The following CAST variants were observed in gnomAD, a reference collection of about 807,000 sequenced individuals.
The protein encoded by CAST is calpastatin, also known as MIR583 host.
CAST carries 76 observed loss-of-function variants against 119.6 expected under a neutral mutation model. The observed-to-expected ratio is 0.64, with a 90% CI of 0.53 to 0.77. The LOEUF (loss-of-function observed/expected upper bound fraction) is 0.77. Among genes scored for constraint, CAST ranks in the 30% least tolerant of loss-of-function variants. The pLI is 0.00. For synonymous variants in CAST, 319 were observed against 331.6 expected, an observed-to-expected ratio of 0.96 and a Z score of 0.41; for missense variants, 953 against 946.5, an observed-to-expected ratio of 1.01 and a Z score of -0.09.
At chr5:96,169,476 G>T in the CAST span, among the ~76,000 whole-genome samples, 2 of 152,176 alleles carry the variant, frequency 1.3e-5, no homozygotes, top group Non-Finnish European at 2.9e-5. Context: ...TGGTTGATAA[G>T]GTGCAGATCC....
the CAST span, among the ~76,000 whole-genome samples, chr5:96,219,335 T>C: frequency 6.6e-6 from 1 of 152,210 alleles, no homozygotes; most frequent in Non-Finnish European, 1.5e-5. Flanking sequence ...CATTCAAAAC[T>C]ATTTTTTGGT....
At chr5:96,397,533 T>C in the CAST span, 3 of 1,422,914 alleles carry the variant, frequency 2.1e-6, no homozygotes, top group African/African-American at 4.2e-5. Flanking sequence ...CACTCTAGCA[T>C]CTGATAACTG....
At chr5:95,998,083 T>C in the CAST span, among the ~76,000 whole-genome samples, 2 of 151,356 alleles carry the variant, frequency 1.3e-5, no homozygotes, top group Admixed American at 6.6e-5. Context: ...ATAAGGATCT[T>C]CTCAAGGGTT....
At chr5:96,080,707 C>T in the CAST span, among the ~76,000 whole-genome samples, 2 of 152,178 alleles carry the variant, frequency 1.3e-5, no homozygotes, top group Non-Finnish European at 2.9e-5. Context: ...TAAATCCTGA[C>T]TCATCTAACT....
the CAST span, among the ~76,000 whole-genome samples, chr5:96,228,011 GTGTGTGTGTGTGTGTGCACGCACA>G: frequency 6.6e-6 from 1 of 152,054 alleles, no homozygotes; most frequent in South Asian, 2.1e-4. Context: ...CTCTGTGTGT[GTGTGTGTGTGTGTGTGCACGCACA>G]TGTGTATGTG....
chr5:95,981,231 A>G, the CAST span, among the ~76,000 whole-genome samples: 1 of 152,218 alleles, frequency 6.6e-6, no homozygotes, highest in East Asian at 1.9e-4. Flanking sequence ...AAAATTATTA[A>G]GAATTTCAAG....
chr5:96,097,591 C>G, the CAST span, among the ~76,000 whole-genome samples: 1 of 152,172 alleles, frequency 6.6e-6, no homozygotes, highest in Non-Finnish European at 1.5e-5. Flanking sequence ...ATTTGGTTTT[C>G]TGTTCCTGTG....
At chr5:96,488,047 G>A in the CAST span, among the ~76,000 whole-genome samples, 1 of 152,022 alleles carries the variant, frequency 6.6e-6, no homozygotes, top group African/African-American at 2.4e-5. Flanking sequence ...TAATAGAATT[G>A]GACATATGGC....
chr5:96,332,783 C>G, the CAST span, among the ~76,000 whole-genome samples: 405 of 152,248 alleles, frequency 2.7e-3, 1 homozygote, highest in Non-Finnish European at 4.2e-3. Flanking sequence ...CCGAGCTGTC[C>G]CACGCCTTCA....
chr5:96,092,025 G>T, the CAST span, among the ~76,000 whole-genome samples: 1 of 152,154 alleles, frequency 6.6e-6, no homozygotes, highest in African/African-American at 2.4e-5. Flanking sequence ...AGCACTTGAT[G>T]AATAAATGAG....
chr5:96,656,366 C>T (rs1299983817), intron 1 of CAST, among the ~76,000 whole-genome samples: 2 of 152,154 alleles, frequency 1.3e-5, no homozygotes, highest in Non-Finnish European at 2.9e-5. Context: ...CTATAGCGTA[C>T]GTCCCAGAAC....
the CAST span, chr5:96,433,180 A>G: frequency 2.5e-5 from 20 of 814,386 alleles, no homozygotes; most frequent in Non-Finnish European, 3.7e-5. Flanking sequence ...GCGAAGAGCT[A>G]GGAGGCGCGA....
the CAST span, among the ~76,000 whole-genome samples, chr5:96,013,315 A>T: frequency 6.6e-6 from 1 of 151,742 alleles, no homozygotes; most frequent in South Asian, 2.1e-4. Context: ...GAGAATATAT[A>T]TAATTAATAT....
At chr5:96,477,334 G>A in the CAST span, among the ~76,000 whole-genome samples, 1 of 151,690 alleles carries the variant, frequency 6.6e-6, no homozygotes, top group Non-Finnish European at 1.5e-5. Flanking sequence ...ACACAGCTGG[G>A]GCATTTCTGG....
the CAST span, among the ~76,000 whole-genome samples, chr5:96,379,324 T>C: frequency 6.6e-6 from 1 of 152,354 alleles, no homozygotes; most frequent in East Asian, 1.9e-4. Context: ...TAGATTCATT[T>C]GCTATTTCTA....
intron 1 of CAST, among the ~76,000 whole-genome samples, chr5:96,629,331 A>C (rs1377494221): frequency 6.6e-6 from 1 of 151,936 alleles, no homozygotes; most frequent in East Asian, 1.9e-4. Flanking sequence ...AGCTGAATAA[A>C]CTTCTGTTCT....
At chr5:96,011,758 G>A in the CAST span, among the ~76,000 whole-genome samples, 3 of 152,098 alleles carry the variant, frequency 2.0e-5, no homozygotes, top group Non-Finnish European at 2.9e-5. Flanking sequence ...TTTTCAAGCC[G>A]GTGGGACTAA....
rs533627300 is a variant in CAST, at chr5:96,556,396, A to G, written c.60+26516A>G. Among the ~76,000 whole-genome samples, 79 of 152,376 alleles carry G rather than the reference A, an allele frequency of 5.2e-4. No homozygotes were observed. The East Asian group carries it at 0.014, about 27-fold the overall frequency. ...ACGAGTTGAGAGAAGAAGGCTTCAG[A>G]AGATCAAACTACTCAGAGCTAAAGG... On this transcript the variant is annotated intron_variant, in intron 1 of 11. Transcript: ENST00000505143.
Position 96,771,691 on chromosome 5 carries a change from T to C in CAST, c.*12T>C. The C allele has an allele frequency of 1.2e-6, 2 of 1,605,716 alleles. No homozygotes were observed. The highest frequency in any genetic ancestry group is 1.7e-6 in the Non-Finnish European group (2 of 1,173,006). ...CAAAAGATGACTAAAGAAATACAAGTTAAGGTATCTGGTAAGTTGGGTGTT... is the reference window on the plus strand; with the variant it reads ...CAAAAGATGACTAAAGAAATACAAGCTAAGGTATCTGGTAAGTTGGGTGTT... On this transcript the variant is annotated 3_prime_UTR_variant, in exon 31 of 32. Coordinates refer to ENST00000675179, the MANE Select transcript of CAST (RefSeq NM_001750.7).
Sources: allele counts gnomAD v4.1 joint callset (sites outside exome capture counted in the v4.1 genomes callset), GRCh38; gene constraint gnomAD v4.1.1; transcripts MANE v1.5; gene names NCBI Gene and HGNC (gene_info 2026-07-23, HGNC 2026-07-21).